The following SHLD1 variants were observed in gnomAD, a reference collection of about 807,000 sequenced individuals.
The protein encoded by SHLD1 is shieldin complex subunit 1, also known as RINN1-REV7-interacting novel NHEJ regulator 3.
Under a neutral mutation model 5.5 loss-of-function variants are expected in SHLD1, and 3 were observed. That is an observed-to-expected ratio of 0.54 (90% CI 0.25 to 1.40). SHLD1 has a LOEUF of 1.40. Ranked by LOEUF, SHLD1 falls within the 40% of genes most tolerant of loss-of-function variation. The pLI, the probability that SHLD1 is intolerant of heterozygous loss-of-function variation, is 0.15. For synonymous variants in SHLD1, 92 were observed against 94.3 expected (o/e 0.98, Z 0.14); for missense variants, 210 against 244.4 (o/e 0.86, Z 0.94).
chr20:5,805,507 A>G (rs999647664), intron 2 of SHLD1, among the ~76,000 whole-genome samples: 2 of 152,160 alleles, frequency 1.3e-5, no homozygotes, highest in African/African-American at 4.8e-5. Flanking sequence ...TACACTTTTC[A>G]ATTTCTTAAA....
chr20:5,856,703 C>T (rs1045357859), intron 2 of SHLD1, among the ~76,000 whole-genome samples: 1 of 152,140 alleles, frequency 6.6e-6, no homozygotes, highest in Non-Finnish European at 1.5e-5. Context: ...CCCCACTACT[C>T]CCTGGTTCAC....
At chr20:5,846,560 G>A (rs2087935050) in intron 2 of SHLD1, among the ~76,000 whole-genome samples, 1 of 152,204 alleles carries the variant, frequency 6.6e-6, no homozygotes, top group Non-Finnish European at 1.5e-5. Flanking sequence ...AACCTCGTGT[G>A]TGAAATGAAA....
intron 2 of SHLD1, among the ~76,000 whole-genome samples, chr20:5,774,160 T>C (rs988131668): frequency 6.6e-6 from 1 of 152,100 alleles, no homozygotes; most frequent in East Asian, 1.9e-4. Flanking sequence ...GCTGAGATCG[T>C]GCCACTTCAC....
At position 5,764,162 on chromosome 20, in the gene SHLD1, A is replaced by ATATATATATTTT. The variant is rs1234998173; in HGVS notation, c.-4-8691_-4-8690insTTTTATATATAT. Among the ~76,000 whole-genome samples, 4 of 83,800 alleles carry ATATATATATTTT rather than the reference A, an allele frequency of 4.8e-5. No individual in the cohort carries two copies. The Admixed American group carries it at 4.9e-4, about 10-fold the overall frequency. The allele number at this position is 83,800 out of a possible 152,430, so 55.0% of individuals were successfully genotyped here. On this transcript the variant is annotated intron_variant, in intron 1 of 2. Coordinates refer to ENST00000303142, the MANE Select transcript of SHLD1 (RefSeq NM_152504.4). ...AAAATATATATATATTTATATTTAT[A>ATATATATATTTT]TATATATATATATTTTTATATATAT...
chr20:5,797,534 G>A (rs2087230717), intron 2 of SHLD1, among the ~76,000 whole-genome samples: 1 of 151,206 alleles, frequency 6.6e-6, no homozygotes, highest in Non-Finnish European at 1.5e-5. Flanking sequence ...CTGCACTCCA[G>A]TCTGAGTGAC....
chr20:5,764,139 A>AAAAAAATAT (rs1555768309), intron 1 of SHLD1, among the ~76,000 whole-genome samples: 2 of 95,728 alleles, frequency 2.1e-5, no homozygotes, highest in African/African-American at 4.8e-5. Flanking sequence ...AAAAAAAAAA[A>AAAAAAATAT]ATATATATAT....
intron 1 of SHLD1, among the ~76,000 whole-genome samples, chr20:5,764,635 G>C (rs1295582017): frequency 6.6e-6 from 1 of 151,946 alleles, no homozygotes; most frequent in Admixed American, 6.6e-5. Flanking sequence ...GGAGGTTGAG[G>C]CTGTAGTCAG....
intron 2 of SHLD1, among the ~76,000 whole-genome samples, chr20:5,808,548 A>G (rs899452044): frequency 6.6e-6 from 1 of 152,150 alleles, no homozygotes; most frequent in Non-Finnish European, 1.5e-5. Flanking sequence ...TGGTACATGT[A>G]GCTCTCTCAT....
Position 5,863,497 on chromosome 20 carries a change from G to T in SHLD1, c.*34G>T, listed in dbSNP as rs2088192387. On this transcript the variant is annotated 3_prime_UTR_variant, in exon 3 of 3. Coordinates refer to ENST00000303142, the MANE Select transcript of SHLD1 (RefSeq NM_152504.4). ...GGGCAGTGTGCAGGGTAGTAATGGAGGTGCTGTGCCATGACCAGCAGTGTT... is the reference window on the plus strand; with the variant it reads ...GGGCAGTGTGCAGGGTAGTAATGGATGTGCTGTGCCATGACCAGCAGTGTT... 1 of 1,556,486 alleles carries T rather than the reference G, an allele frequency of 6.4e-7. No individual in the cohort carries two copies. Among genetic ancestry groups the T allele is most frequent in the East Asian group, 2.2e-5 (1 of 44,624 alleles).
intron 2 of SHLD1, among the ~76,000 whole-genome samples, chr20:5,832,725 C>T (rs2087743184): frequency 6.6e-6 from 1 of 151,912 alleles, no homozygotes; most frequent in Non-Finnish European, 1.5e-5. Flanking sequence ...CAGTCTCATC[C>T]TGAAAGCAGG....
At chr20:5,763,988 A>C (rs1391673819) in intron 1 of SHLD1, among the ~76,000 whole-genome samples, 1 of 146,192 alleles carries the variant, frequency 6.8e-6, no homozygotes, top group Non-Finnish European at 1.5e-5. Context: ...TCAGCTGGGC[A>C]TGGTGACATG....
chr20:5,862,523 A>T (rs73596894), intron 2 of SHLD1, among the ~76,000 whole-genome samples: 2,933 of 152,352 alleles, frequency 0.019, 109 homozygotes, highest in African/African-American at 0.067. Flanking sequence ...TCAACTACTC[A>T]TCAAGCTGGA....
At position 5,863,794 on chromosome 20, in the gene SHLD1, C is replaced by G; in HGVS notation, c.*331C>G. 4.3e-6 allele frequency: 1 copy of G among 232,912 alleles called. No individual in the cohort carries two copies. Among genetic ancestry groups the G allele is most frequent in the Admixed American group, 5.2e-5 (1 of 19,048 alleles). The allele number at this position is 232,912 out of a possible 1,614,324, so 14.4% of individuals were successfully genotyped here. A position where few individuals can be genotyped will look rare whatever the true frequency, so the allele number is the denominator to read the frequency against. ...AGCACTCCCTTTCCTCTAGATCGGC[C>G]TGAGGCTGGGACATTACATGAAATC... On this transcript the variant is annotated 3_prime_UTR_variant, in exon 3 of 3. Coordinates refer to ENST00000303142, the MANE Select transcript of SHLD1 (RefSeq NM_152504.4).
chr20:5,755,134 G>T (rs1727682761), intron 1 of SHLD1, among the ~76,000 whole-genome samples: 1 of 152,046 alleles, frequency 6.6e-6, no homozygotes, highest in South Asian at 2.1e-4. Context: ...TTGTATAGAT[G>T]AAGCCTCTAA....
intron 2 of SHLD1, among the ~76,000 whole-genome samples, chr20:5,860,309 T>C (rs141106880): frequency 6.6e-6 from 1 of 152,284 alleles, no homozygotes; most frequent in East Asian, 1.9e-4. Flanking sequence ...GCAAAGGAAG[T>C]TTTTACATCT....
At position 5,812,080 on chromosome 20, in the gene SHLD1, C is replaced by CT. The variant is rs1200570680; in HGVS notation, c.178+39046dup. 2.5e-3 allele frequency among the ~76,000 whole-genome samples: 336 copies of CT among 136,778 alleles called. 1 individual carries two copies. The highest frequency in any genetic ancestry group is 8.3e-3 in the African/African-American group (310 of 37,280). The allele number at this position is 136,778 out of a possible 152,430, so 89.7% of individuals were successfully genotyped here. ...TTCTTTTTCTTTTTCTTTTTTTTTT[C>CT]TTTTTTTTTCTTTTTTTTTTTGAGG... On this transcript the variant is annotated intron_variant, in intron 2 of 2. Coordinates refer to ENST00000303142, the MANE Select transcript of SHLD1 (RefSeq NM_152504.4).
chr20:5,848,676 A>G (rs1415368821), intron 2 of SHLD1, among the ~76,000 whole-genome samples: 1 of 152,232 alleles, frequency 6.6e-6, no homozygotes, highest in Non-Finnish European at 1.5e-5. Flanking sequence ...ATTTTTCAAG[A>G]AAAATATAAA....
At chr20:5,793,120 C>T (rs766475132) in intron 2 of SHLD1, among the ~76,000 whole-genome samples, 3 of 152,110 alleles carry the variant, frequency 2.0e-5, no homozygotes, top group Non-Finnish European at 4.4e-5. Context: ...GGTCTTTGTC[C>T]TGTTCCATTG....
chr20:5,863,260 AAG>A lies in SHLD1; in HGVS notation c.416_417del (p.Lys139IlefsTer42). 1 of 1,614,152 alleles carries A rather than the reference AAG, an allele frequency of 6.2e-7. No homozygotes were observed. The highest frequency in any genetic ancestry group is 1.3e-5 in the African/African-American group (1 of 75,026). On this transcript the variant is annotated frameshift_variant, in exon 3 of 3. Coordinates refer to ENST00000303142, the MANE Select transcript of SHLD1 (RefSeq NM_152504.4). LOFTEE classifies it low-confidence loss of function (END_TRUNC). ...TCAACTAAGAGGCCAGGAGAGCCAA[AAG>A]TATGCCCTCCGCAGTTTTCAAATGG... The part of the protein sequence containing the change: ...ITQLRGQESQ[K>X]YALRSFQMAR...
Sources: gnomAD v4.1 joint callset for allele counts (sites outside exome capture counted in the v4.1 genomes callset) on GRCh38, gnomAD v4.1.1 for gene constraint, MANE v1.5 for transcripts, NCBI Gene and HGNC (gene_info 2026-07-23, HGNC 2026-07-21) for gene names.